YKT6: variants seen among roughly 807,000 people sequenced by gnomAD.
YKT6 encodes YKT6 vesicular SNARE protein.
A neutral mutation model predicts 29.3 loss-of-function variants in YKT6; 12 were observed. That is an observed-to-expected ratio of 0.41 (90% confidence interval 0.26 to 0.66). The LOEUF is 0.66. Ranked by LOEUF, YKT6 falls within the 30% of genes least tolerant of loss-of-function variation. YKT6 has a pLI of 0.32. For missense variants in YKT6, 188 were observed against 243.8 expected (o/e 0.77, Z 1.52); for synonymous variants, 86 against 94.3 (o/e 0.91, Z 0.51).
chr7:44,207,564 C>T, intron 4 of YKT6, 72 bp downstream of exon 4: 1 of 1,319,472 alleles, frequency 7.6e-7, no homozygotes, highest in Non-Finnish European at 1.1e-6. Context: ...AGCCAACTGC[C>T]CTGATAGTTC....
At chr7:44,205,915 T>TG (rs541921920) in intron 2 of YKT6, among the ~76,000 whole-genome samples, 1 of 152,124 alleles carries the variant, frequency 6.6e-6, no homozygotes, top group South Asian at 2.1e-4. Context: ...ACTGAGGCCC[T>TG]GGGGGGTAAT....
At chr7:44,204,704 C>A in intron 2 of YKT6, 54 bp downstream of exon 2, 1 of 1,559,442 alleles carries the variant, frequency 6.4e-7, no homozygotes, top group Non-Finnish European at 8.8e-7. Flanking sequence ...CCATGCCTCA[C>A]CTCACATAGC....
chr7:44,206,315 T>TA, intron 2 of YKT6, 70 bp from the exon 3 acceptor site: 1 of 1,493,304 alleles, frequency 6.7e-7, no homozygotes, highest in Non-Finnish European at 9.3e-7. Flanking sequence ...GATGCTTTGA[T>TA]TTGGGGGGAT....
Position 44,214,209 on chromosome 7 carries a change from G to C in YKT6, c.*1927G>C, listed in dbSNP as rs916406318. 6.6e-6 allele frequency: 1 copy of C among 152,264 alleles called. No individual in the cohort carries two copies. Among genetic ancestry groups the C allele is most frequent in the African/African-American group, 2.4e-5 (1 of 41,458 alleles). The allele number at this position is 152,264 out of a possible 1,614,324, so 9.4% of individuals were successfully genotyped here. A position where few individuals can be genotyped will look rare whatever the true frequency, so the allele number is the denominator to read the frequency against. ...TGTGTTCTGTTGTAAATCATTTGGC[G>C]AGACTGTATTTTAGTAACTGCTGCC... On this transcript the variant is annotated 3_prime_UTR_variant, in exon 7 of 7. Transcript: ENST00000223369.
chr7:44,211,099 C>G lies in YKT6; in HGVS notation c.536C>G (p.Thr179Arg). 6.2e-7 allele frequency: 1 copy of G among 1,613,994 alleles called. No individual in the cohort carries two copies. The highest frequency in any genetic ancestry group is 8.5e-7 in the Non-Finnish European group (1 of 1,180,022). Residue 179 changes from threonine (T) to arginine (R), a missense_variant, in exon 6 of 7, where the codon ACA becomes AGA. Transcript: ENST00000223369. ...DLVSKSEVLG[T>R]QSKAFYKTAR... ...GTGTCCAAATCCGAGGTGCTGGGAA[C>G]ACAGTCTAAAGCCTTCTATAAAACT... is the stretch of plus-strand genomic sequence containing the variant.
Position 44,201,061 on chromosome 7 carries a change from A to G in YKT6, c.-75A>G. ...AGGCCGGTAGGCGGCGGCGGTCCCG[A>G]GGGGCGGCGGCCGCGCTGCTCCCTG... On this transcript the variant is annotated 5_prime_UTR_variant, in exon 1 of 7. Coordinates refer to ENST00000223369, the MANE Select transcript of YKT6 (RefSeq NM_006555.4). 1 of 1,292,770 alleles carries G rather than the reference A, an allele frequency of 7.7e-7. No individual in the cohort carries two copies. The highest frequency in any genetic ancestry group is 1.0e-6 in the Non-Finnish European group (1 of 967,400). The allele number at this position is 1,292,770 out of a possible 1,614,324, so 80.1% of individuals were successfully genotyped here.
intron 5 of YKT6, 89 bp downstream of exon 5, chr7:44,208,287 A>T: frequency 7.1e-7 from 1 of 1,417,542 alleles, no homozygotes; most frequent in South Asian, 1.2e-5. Flanking sequence ...TCCTCGTTTT[A>T]ATATAATAGT....
chr7:44,203,472 A>G (rs1306544374), intron 1 of YKT6, among the ~76,000 whole-genome samples: 3 of 152,200 alleles, frequency 2.0e-5, no homozygotes, highest in South Asian at 4.1e-4. Context: ...TTGAAAAAGT[A>G]GTTTCCCAGC....
In YKT6 at chr7:44,214,234, C is replaced by T; in HGVS notation, c.*1952C>T. The stretch of plus-strand genomic sequence containing the variant: ...GAGACTGTATTTTAGTAACTGCTGC[C>T]TAACTTCCCTGTGTTCTATTTGAGA... On this transcript the variant is annotated 3_prime_UTR_variant, in exon 7 of 7. Coordinates refer to ENST00000223369, the MANE Select transcript of YKT6 (RefSeq NM_006555.4). 6.6e-6 allele frequency: 1 copy of T among 152,290 alleles called. No homozygotes were observed. Among genetic ancestry groups the T allele is most frequent in the East Asian group, 1.9e-4 (1 of 5,194 alleles). The allele number at this position is 152,290 out of a possible 1,614,324, so 9.4% of individuals were successfully genotyped here.
rs2096342106 is a variant in YKT6, at chr7:44,207,620, A to T, written c.393+128A>T. 1.4e-5 allele frequency: 11 copies of T among 766,732 alleles called. No individual in the cohort carries two copies. In the East Asian group the frequency reaches 3.0e-4, roughly 21 times the overall value. 47.5% of individuals were successfully genotyped at this position (766,732 alleles called of 1,614,324 possible). A position where few individuals can be genotyped will look rare whatever the true frequency, so the allele number is the denominator to read the frequency against. On this transcript the variant is annotated intron_variant, in intron 4 of 6. Coordinates refer to ENST00000223369, the MANE Select transcript of YKT6 (RefSeq NM_006555.4). ...GCTTCTGATGCTGGTGTCCTCTCTC[A>T]AGCCTTACTGTTTGGAAAACAGAGA...
chr7:44,210,561 A>G, intron 5 of YKT6: 1 of 261,308 alleles, frequency 3.8e-6, no homozygotes, highest in South Asian at 3.7e-5. Context: ...TGGGGATGTT[A>G]ATTTCTGGGA....
intron 2 of YKT6, 31 bp from the exon 3 acceptor site, chr7:44,206,354 C>T (rs369649107): frequency 3.7e-6 from 6 of 1,603,750 alleles, no homozygotes; most frequent in African/African-American, 2.7e-5. Flanking sequence ...CTCATGTCAG[C>T]ATCCATGTGT....
intron 6 of YKT6, chr7:44,211,664 T>C (rs926016051): frequency 3.4e-5 from 33 of 983,256 alleles, no homozygotes; most frequent in Admixed American, 5.6e-5. Context: ...TGGATAGTCA[T>C]AGGGACAAAT....
intron 1 of YKT6, among the ~76,000 whole-genome samples, chr7:44,201,820 A>G (rs1228557153): frequency 6.6e-6 from 1 of 152,096 alleles, no homozygotes; most frequent in Non-Finnish European, 1.5e-5. Flanking sequence ...GTTTGTTTTT[A>G]ATGGGTGAAG....
At chr7:44,202,432 A>AT (rs1334310867) in intron 1 of YKT6, among the ~76,000 whole-genome samples, 1 of 152,172 alleles carries the variant, frequency 6.6e-6, no homozygotes, top group Non-Finnish European at 1.5e-5. Context: ...TATTAAACAC[A>AT]TTCCCTTCTC....
Position 44,201,073 on chromosome 7 carries a change from C to T in YKT6, c.-63C>T. The stretch of plus-strand genomic sequence containing the variant: ...GGCGGCGGTCCCGAGGGGCGGCGGC[C>T]GCGCTGCTCCCTGAGAACGGGTCCC... On this transcript the variant is annotated 5_prime_UTR_variant, in exon 1 of 7. Transcript: ENST00000223369. 2.8e-6 allele frequency: 4 copies of T among 1,426,034 alleles called. No homozygotes were observed. Among genetic ancestry groups the T allele is most frequent in the African/African-American group, 1.5e-5 (1 of 66,826 alleles). 88.3% of individuals were successfully genotyped at this position (1,426,034 alleles called of 1,614,324 possible). A position where few individuals can be genotyped will look rare whatever the true frequency, so the allele number is the denominator to read the frequency against.
chr7:44,214,028 TG>T lies in YKT6; in HGVS notation c.*1751del. 1 of 152,604 alleles carries T rather than the reference TG, an allele frequency of 6.6e-6. No individual in the cohort carries two copies. The highest frequency in any genetic ancestry group is 1.5e-5 in the Non-Finnish European group (1 of 68,240). The allele number at this position is 152,604 out of a possible 1,614,324, so 9.5% of individuals were successfully genotyped here. ...CCCACTTGAGGACCCTGGGGAGAGA[TG>T]GGGGCGGGGAAAATGGAGGTATGAA... On this transcript the variant is annotated 3_prime_UTR_variant, in exon 7 of 7. Coordinates refer to ENST00000223369, the MANE Select transcript of YKT6 (RefSeq NM_006555.4).
chr7:44,201,011 G>T lies in YKT6; in HGVS notation c.-125G>T, dbSNP rs377640415. 9 of 705,774 alleles carry T rather than the reference G, an allele frequency of 1.3e-5. No homozygotes were observed. Among genetic ancestry groups the T allele is most frequent in the South Asian group, 4.2e-5 (2 of 47,748 alleles). The allele number at this position is 705,774 out of a possible 1,614,324, so 43.7% of individuals were successfully genotyped here. A position where few individuals can be genotyped will look rare whatever the true frequency, so the allele number is the denominator to read the frequency against. On this transcript the variant is annotated 5_prime_UTR_variant, in exon 1 of 7. Coordinates refer to ENST00000223369, the MANE Select transcript of YKT6 (RefSeq NM_006555.4). Reference sequence around the variant, plus strand: ...AGCCAGGAGGAGGAAGCCGGCGGTGGCCCCGTCAGCAGCCGGCTGCTGAGA... The same window carrying T: ...AGCCAGGAGGAGGAAGCCGGCGGTGTCCCCGTCAGCAGCCGGCTGCTGAGA...
intron 1 of YKT6, among the ~76,000 whole-genome samples, chr7:44,202,762 A>AT (rs148919392): frequency 1.3e-5 from 2 of 152,126 alleles, no homozygotes; most frequent in Admixed American, 6.5e-5. Flanking sequence ...CCCTGCTCGC[A>AT]TTTTTTTGGT....
Sources: gnomAD v4.1 joint callset for allele counts (sites outside exome capture counted in the v4.1 genomes callset) on GRCh38, gnomAD v4.1.1 for gene constraint, MANE v1.5 for transcripts, NCBI Gene and HGNC (gene_info 2026-07-23, HGNC 2026-07-21) for gene names.